AVL9: variants seen among roughly 807,000 people sequenced by gnomAD.
AVL9 encodes late secretory pathway protein AVL9 homolog.
In AVL9, 49 loss-of-function variants were observed where a neutral mutation model predicts 79.2. The ratio of observed to expected loss-of-function variants is 0.62; its 90% confidence interval spans 0.49 to 0.79. AVL9 has a LOEUF of 0.79. AVL9 is among the 30% of genes least tolerant of loss of function. The probability of loss-of-function intolerance (pLI) is 0.00; values close to 1 mark genes in which losing one functional copy is unlikely to be tolerated. For synonymous variants in AVL9, 299 were observed against 280.6 expected, an observed-to-expected ratio of 1.07 and a Z score of -0.65; for missense variants, 682 against 776.8, an observed-to-expected ratio of 0.88 and a Z score of 1.45.
Position 32,545,364 on chromosome 7 carries a change from C to CTTTTTTT in AVL9, c.300+604_300+610dup, listed in dbSNP as rs10610945. On this transcript the variant is annotated intron_variant, in intron 3 of 15. Coordinates refer to ENST00000318709, the MANE Select transcript of AVL9 (RefSeq NM_015060.3). ...GCTGTCCTATTTATCTCTAAGATTT[C>CTTTTTTT]TTTTTTTTTTTTTTTTTTTTTTTTT... Among the ~76,000 whole-genome samples, 98 of 73,346 alleles carry CTTTTTTT rather than the reference C, an allele frequency of 1.3e-3. 11 individuals are homozygous for CTTTTTTT. The highest frequency in any genetic ancestry group is 3.1e-3 in the Admixed American group (13 of 4,218). 48.1% of individuals were successfully genotyped at this position (73,346 alleles called of 152,430 possible).
chr7:32,518,094 G>A (rs1295404808), intron 1 of AVL9, among the ~76,000 whole-genome samples: 1 of 152,184 alleles, frequency 6.6e-6, no homozygotes, highest in Non-Finnish European at 1.5e-5. Context: ...GCCTCACAAA[G>A]TGCTAGGATT....
intron 1 of AVL9, chr7:32,538,286 T>C (rs1789007752): frequency 6.6e-6 from 1 of 152,258 alleles, no homozygotes; most frequent in Admixed American, 6.5e-5. Context: ...AAATAAGATT[T>C]CCTTCAGAAG....
At chr7:32,575,097 T>C (rs945969297) in intron 12 of AVL9, among the ~76,000 whole-genome samples, 3 of 151,548 alleles carry the variant, frequency 2.0e-5, no homozygotes, top group African/African-American at 7.3e-5. Flanking sequence ...TTTTTTTGTT[T>C]TGTTTTGTTT....
At chr7:32,529,734 A>G (rs73687015) in intron 1 of AVL9, among the ~76,000 whole-genome samples, 2,070 of 152,320 alleles carry the variant, frequency 0.014, 38 homozygotes, top group Middle Eastern at 0.048. Context: ...CTTATAAACA[A>G]TAAAGTGCAT....
At chr7:32,575,651 G>A (rs948026729) in intron 12 of AVL9, among the ~76,000 whole-genome samples, 1 of 152,112 alleles carries the variant, frequency 6.6e-6, no homozygotes, top group African/African-American at 2.4e-5. Flanking sequence ...CCTCATAATG[G>A]TAAGGAGAAT....
intron 1 of AVL9, among the ~76,000 whole-genome samples, chr7:32,542,236 C>T (rs1789244759): frequency 6.7e-6 from 1 of 149,102 alleles, no homozygotes; most frequent in African/African-American, 2.5e-5. Context: ...AATTGGATCA[C>T]CTTTAGAAAT....
chr7:32,541,953 G>C (rs1789230712), intron 1 of AVL9, among the ~76,000 whole-genome samples: 1 of 152,044 alleles, frequency 6.6e-6, no homozygotes, highest in South Asian at 2.1e-4. Context: ...GGCCTCAAGT[G>C]ATCCACCCGC....
chr7:32,517,893 A>G (rs1013791534), intron 1 of AVL9, among the ~76,000 whole-genome samples: 8 of 151,712 alleles, frequency 5.3e-5, no homozygotes, highest in Admixed American at 5.3e-4. Flanking sequence ...GTGCAGTGGC[A>G]CGAACTTGGC....
In AVL9 at chr7:32,510,108, G is replaced by A. The variant is rs576851338; in HGVS notation, c.93+14306G>A. Among the ~76,000 whole-genome samples the A allele has an allele frequency of 4.8e-4, 72 of 150,864 alleles. 1 individual carries two copies. The Middle Eastern group carries it at 0.01, about 22-fold the overall frequency. ...AGGAGGGAAGCCATCTCTCTAGGGT[G>A]AGATAGGTGAGCCATCAGGTCTGGT... is the stretch of plus-strand genomic sequence containing the variant. On this transcript the variant is annotated intron_variant, in intron 1 of 15. Transcript: ENST00000318709.
intron 1 of AVL9, among the ~76,000 whole-genome samples, chr7:32,528,612 G>A (rs1191797314): frequency 6.6e-6 from 1 of 152,056 alleles, no homozygotes; most frequent in African/African-American, 2.4e-5. Flanking sequence ...CTTGTCCACC[G>A]AGGCTCCCTT....
Position 32,583,806 on chromosome 7 carries a change from G to A in AVL9, c.1846G>A (p.Gly616Arg). ...TCTCCATCCAGGCCAGTCAGTTGGAGGAGCTTTTTCCAGTGCAAAGACAGC... is the reference window on the plus strand; with the variant it reads ...TCTCCATCCAGGCCAGTCAGTTGGAAGAGCTTTTTCCAGTGCAAAGACAGC... The part of the protein sequence containing the change: ...TGKAVGQSVG[G>R]AFSSAKTAMS... Residue 616 changes from glycine to arginine, a missense_variant, in exon 16 of 16, where the codon GGA becomes AGA. Physicochemically the swap from Gly to Arg is moderately radical, Grantham distance 125. Coordinates refer to ENST00000318709, the MANE Select transcript of AVL9 (RefSeq NM_015060.3). 6.2e-7 allele frequency: 1 copy of A among 1,613,550 alleles called. No homozygotes were observed. The highest frequency in any genetic ancestry group is 8.5e-7 in the Non-Finnish European group (1 of 1,179,558).
At chr7:32,552,461 A>G (rs1789876189) in intron 6 of AVL9, among the ~76,000 whole-genome samples, 166 bp downstream of exon 6, 1 of 151,888 alleles carries the variant, frequency 6.6e-6, no homozygotes, top group Admixed American at 6.6e-5. Context: ...CAGTGTTTAT[A>G]CTGAGAAGAG....
At chr7:32,576,540 T>C (rs1305356193) in intron 13 of AVL9, among the ~76,000 whole-genome samples, 1 of 152,166 alleles carries the variant, frequency 6.6e-6, no homozygotes, top group Non-Finnish European at 1.5e-5. Context: ...TCCCAACACT[T>C]TGGGAGGCCG....
At chr7:32,573,106 C>T in intron 11 of AVL9, 93 bp from the exon 12 acceptor site, 4 of 951,280 alleles carry the variant, frequency 4.2e-6, no homozygotes, top group Non-Finnish European at 6.5e-6. Context: ...TTTTTTATTT[C>T]CAGCTCCACC....
intron 1 of AVL9, among the ~76,000 whole-genome samples, chr7:32,502,213 AAATTAGC>A (rs1476128855): frequency 2.6e-5 from 4 of 151,918 alleles, no homozygotes; most frequent in Non-Finnish European, 4.4e-5. Flanking sequence ...AAAAGTAAAA[AAATTAGC>A]CAGGTTTGGA....
At chr7:32,534,126 G>A (rs1441765042) in intron 1 of AVL9, 2 of 152,110 alleles carry the variant, frequency 1.3e-5, no homozygotes, top group Non-Finnish European at 2.9e-5. Context: ...AGTTCATTTA[G>A]CATTTAGAAA....
rs780185374 is a variant in AVL9, at chr7:32,544,723, A to G, written c.244A>G (p.Asn82Asp). ...DTVFFHLPPR[N>D]GNGATVFGIS... ...TGTGTTTTTTCACTTGCCACCCAGA[A>G]ATGGAAATGGAGCCACAGTATTTGG... Residue 82 changes from asparagine (N) to aspartate (D), a missense_variant, in exon 3 of 16, where the codon AAT becomes GAT. Transcript: ENST00000318709. The G allele has an allele frequency of 1.2e-6, 2 of 1,613,852 alleles. No individual in the cohort carries two copies. The highest frequency in any genetic ancestry group is 1.7e-6 in the Non-Finnish European group (2 of 1,179,866).
rs767968025 is a variant in AVL9 at position 32,583,901 on chromosome 7, G to T, written c.1941G>T (p.Lys647Asn). 2.5e-6 allele frequency: 4 copies of T among 1,612,600 alleles called. No individual in the cohort carries two copies. In the African/African-American group the frequency reaches 4.0e-5, roughly 16 times the overall value. ...GTCTCACTGAGCCACCAGATGAGAA[G>T]CCTTGAGCAAGGCGTCAGAGGCTGC... ...SQSLTEPPDEKP is the reference protein window; with the variant it reads ...SQSLTEPPDENP The change falls in exon 16 of 16, where the codon AAG (lysine) becomes AAT (asparagine). Residue 647 changes from lysine (K) to asparagine (N), a missense_variant. Coordinates refer to ENST00000318709, the MANE Select transcript of AVL9 (RefSeq NM_015060.3).
intron 1 of AVL9, among the ~76,000 whole-genome samples, chr7:32,531,036 C>T (rs962291991): frequency 9.9e-5 from 15 of 152,196 alleles, no homozygotes; most frequent in East Asian, 1.9e-4. Flanking sequence ...TTGGGGAGTA[C>T]TCCAGAGAAC....
Sources: allele counts gnomAD v4.1 joint callset (sites outside exome capture counted in the v4.1 genomes callset), GRCh38; gene constraint gnomAD v4.1.1; transcripts MANE v1.5; gene names NCBI Gene and HGNC (gene_info 2026-07-23, HGNC 2026-07-21).